ASIC2: variants seen among roughly 807,000 people sequenced by gnomAD.
ASIC2 encodes acid-sensing ion channel 2.
Under a neutral mutation model 57.3 loss-of-function variants are expected in ASIC2, and 25 were observed. The observed-to-expected ratio is 0.44, with a 90% CI of 0.32 to 0.61. The LOEUF (loss-of-function observed/expected upper bound fraction) is 0.61. ASIC2 is among the 20% of genes least tolerant of loss of function. ASIC2 has a pLI of 0.06. For missense variants in ASIC2, 641 were observed against 738.1 expected (o/e 0.87, Z 1.52); for synonymous variants, 319 against 307.5 (o/e 1.04, Z -0.39).
chr17:33,550,923 G>A (rs1353792938), intron 1 of ASIC2, among the ~76,000 whole-genome samples: 1 of 152,186 alleles, frequency 6.6e-6, no homozygotes, highest in African/African-American at 2.4e-5. Context: ...CCTGTGAATT[G>A]TAGTGGAACA....
At chr17:33,348,821 C>T (rs997451853) in intron 1 of ASIC2, among the ~76,000 whole-genome samples, 8 of 151,984 alleles carry the variant, frequency 5.3e-5, no homozygotes, top group African/African-American at 1.9e-4. Context: ...TAGGTGGTAC[C>T]TTGTGCAAAA....
chr17:33,190,540 A>G (rs1906373897), intron 1 of ASIC2, among the ~76,000 whole-genome samples: 1 of 152,194 alleles, frequency 6.6e-6, no homozygotes, highest in East Asian at 1.9e-4. Context: ...ACAAGCTACT[A>G]CTAAAAATTA....
chr17:33,700,688 T>G (rs947567656), intron 1 of ASIC2, among the ~76,000 whole-genome samples: 3 of 152,240 alleles, frequency 2.0e-5, no homozygotes, highest in Non-Finnish European at 2.9e-5. Context: ...ATATTAGTGT[T>G]AGGGTTCTGT....
At chr17:33,780,195 T>A (rs983216702) in intron 1 of ASIC2, among the ~76,000 whole-genome samples, 2 of 152,030 alleles carry the variant, frequency 1.3e-5, no homozygotes, top group African/African-American at 2.4e-5. Flanking sequence ...GGTCTTGAAC[T>A]CCTGACCTCA....
chr17:33,174,563 T>G (rs1232171135), intron 1 of ASIC2, among the ~76,000 whole-genome samples: 1 of 152,210 alleles, frequency 6.6e-6, no homozygotes, highest in African/African-American at 2.4e-5. Context: ...GGAGCTCACA[T>G]GCACATCTTA....
chr17:33,281,542 T>C (rs1904949920), intron 1 of ASIC2, among the ~76,000 whole-genome samples: 1 of 152,166 alleles, frequency 6.6e-6, no homozygotes, highest in Non-Finnish European at 1.5e-5. Context: ...CATATGATTT[T>C]TAAGTTTTGA....
At chr17:33,577,041 T>A (rs1488993308) in intron 1 of ASIC2, among the ~76,000 whole-genome samples, 1 of 152,224 alleles carries the variant, frequency 6.6e-6, no homozygotes, top group African/African-American at 2.4e-5. Context: ...TTGTTGACTT[T>A]GAGCCTCTTC....
chr17:33,467,202 A>G (rs1419043877), intron 1 of ASIC2, among the ~76,000 whole-genome samples: 1 of 152,152 alleles, frequency 6.6e-6, no homozygotes, highest in Non-Finnish European at 1.5e-5. Context: ...CTGCCTCCCA[A>G]AGTGTTGGGA....
chr17:33,536,063 A>G (rs985012090), intron 1 of ASIC2, among the ~76,000 whole-genome samples: 1 of 152,206 alleles, frequency 6.6e-6, no homozygotes, highest in African/African-American at 2.4e-5. Context: ...GAGATAGTAG[A>G]AAATGTTCTC....
At chr17:33,051,750 T>C (rs1192350005) in intron 3 of ASIC2, among the ~76,000 whole-genome samples, 1 of 152,180 alleles carries the variant, frequency 6.6e-6, no homozygotes, top group Non-Finnish European at 1.5e-5. Flanking sequence ...GCACTGCCTA[T>C]ATGACATATA....
At chr17:34,109,036 TTTA>T (rs1911170803) in intron 1 of ASIC2, among the ~76,000 whole-genome samples, 1 of 10,396 alleles carries the variant, frequency 9.6e-5, no homozygotes, top group Non-Finnish European at 2.2e-4. Flanking sequence ...GTTGATTTAT[TTTA>T]TTTTATTTTA....
intron 1 of ASIC2, among the ~76,000 whole-genome samples, chr17:33,476,412 T>C (rs1567624791): frequency 6.6e-6 from 1 of 152,042 alleles, no homozygotes. Flanking sequence ...GATGGACATT[T>C]AAACTTTTCA....
chr17:33,313,278 G>C (rs567125179), intron 1 of ASIC2, among the ~76,000 whole-genome samples: 48 of 151,472 alleles, frequency 3.2e-4, no homozygotes, highest in African/African-American at 1.2e-3. Context: ...AGTGAGCTAT[G>C]ATTGCCGTCA....
intron 1 of ASIC2, among the ~76,000 whole-genome samples, chr17:33,827,104 G>T (rs1274815207): frequency 6.6e-6 from 1 of 152,098 alleles, no homozygotes; most frequent in East Asian, 1.9e-4. Flanking sequence ...GAGTCATACA[G>T]CCTTGAGAAG....
At chr17:33,313,492 G>A (rs191979482) in intron 1 of ASIC2, among the ~76,000 whole-genome samples, 34 of 152,202 alleles carry the variant, frequency 2.2e-4, no homozygotes, top group Admixed American at 9.8e-4. Context: ...GTCATCATCC[G>A]TTGTGTGGTT....
intron 1 of ASIC2, among the ~76,000 whole-genome samples, chr17:33,391,171 G>C (rs1909875122): frequency 1.3e-5 from 2 of 152,176 alleles, no homozygotes; most frequent in South Asian, 4.2e-4. Context: ...TTATTTTATA[G>C]ATGATGAAAA....
At chr17:33,177,615 A>G (rs1200901073) in intron 1 of ASIC2, among the ~76,000 whole-genome samples, 1 of 152,120 alleles carries the variant, frequency 6.6e-6, no homozygotes, top group African/African-American at 2.4e-5. Context: ...GCTGACACCC[A>G]TCAGCTGACA....
chr17:33,441,406 T>A (rs1911818130), intron 1 of ASIC2, among the ~76,000 whole-genome samples: 1 of 152,228 alleles, frequency 6.6e-6, no homozygotes, highest in Non-Finnish European at 1.5e-5. Flanking sequence ...GTCAAAAAGA[T>A]TTTCTCCCAT....
At position 34,108,185 on chromosome 17, in the gene ASIC2, T is replaced by C. The variant is rs74473165; in HGVS notation, c.555+47793A>G. Among the ~76,000 whole-genome samples, 884 of 152,300 alleles carry C rather than the reference T, an allele frequency of 5.8e-3. 10 individuals carry two copies. The highest frequency in any genetic ancestry group is 0.02 in the African/African-American group (836 of 41,586). On this transcript the variant is annotated intron_variant, in intron 1 of 9. Coordinates refer to the ASIC2 transcript ENST00000359872. ...TACATAATACTCCATTGAGTGACTG[T>C]GCCATAGTTTATTCAACAAAACTGC...
Sources: gnomAD v4.1 joint callset for allele counts (sites outside exome capture counted in the v4.1 genomes callset) on GRCh38, gnomAD v4.1.1 for gene constraint, MANE v1.5 for transcripts, NCBI Gene and HGNC (gene_info 2026-07-23, HGNC 2026-07-21) for gene names.